The following IL1R1 variants were observed in gnomAD, a reference collection of about 807,000 sequenced individuals.
IL1R1 encodes interleukin 1 receptor type 1, also known as interleukin-1 receptor type 1.
A neutral mutation model predicts 50.2 loss-of-function variants in IL1R1; 22 were observed. That is an observed-to-expected ratio of 0.44 (90% confidence interval 0.31 to 0.63). The LOEUF (loss-of-function observed/expected upper bound fraction) is 0.63. Among genes scored for constraint, IL1R1 ranks in the 20% least tolerant of loss-of-function variants. The pLI is 0.07. For synonymous variants in IL1R1, 251 were observed against 236.7 expected (o/e 1.06, Z -0.55); for missense variants, 509 against 676.2 (o/e 0.75, Z 2.74).
At chr2:102,096,032 T>C (rs2104324531) in intron 1 of IL1R1, among the ~76,000 whole-genome samples, 1 of 152,276 alleles carries the variant, frequency 6.6e-6, no homozygotes, top group Non-Finnish European at 1.5e-5. Context: ...ATAAAAATAA[T>C]GCACTATTCT....
intron 1 of IL1R1, among the ~76,000 whole-genome samples, chr2:102,074,470 C>T (rs150533286): frequency 3.9e-3 from 522 of 134,144 alleles, no homozygotes; most frequent in Admixed American, 5.6e-3. Flanking sequence ...GTGGCCTATT[C>T]CTTACATGGT....
At chr2:102,132,077 T>C (rs1364467757) in intron 1 of IL1R1, among the ~76,000 whole-genome samples, 2 of 151,972 alleles carry the variant, frequency 1.3e-5, no homozygotes, top group Non-Finnish European at 2.9e-5. Flanking sequence ...CAACCAAGAA[T>C]TTTATACACA....
chr2:102,120,945 A>G lies in IL1R1; in HGVS notation c.-84+16073A>G, dbSNP rs552004563. On this transcript the variant is annotated intron_variant, in intron 1 of 10. Transcript: ENST00000409329. ...GGGTTTTTAGCAGAACATAGGTATT[A>G]TGATGTCTGTCACAGTTCACTCTAA... Among the ~76,000 whole-genome samples the G allele has an allele frequency of 2.3e-3, 343 of 152,308 alleles. 2 individuals are homozygous for G. The highest frequency in any genetic ancestry group is 6.5e-3 in the African/African-American group (269 of 41,574).
chr2:102,100,131 G>A (rs963399), upstream of IL1R1, among the ~76,000 whole-genome samples: 13,057 of 152,172 alleles, frequency 0.086, 696 homozygotes, highest in East Asian at 0.23. Flanking sequence ...GCACATCGTC[G>A]GGTTCTTTTG....
At chr2:102,139,226 G>T (rs574380259), upstream of IL1R1, among the ~76,000 whole-genome samples, 32 of 152,328 alleles carry the variant, frequency 2.1e-4, no homozygotes, top group Non-Finnish European at 3.2e-4. Context: ...GGGCTCTTTG[G>T]TCTTCTTAGC....
intron 8 of IL1R1, chr2:102,172,314 G>A (rs3771200): frequency 0.38 from 377,508 of 984,326 alleles, 74,869 homozygotes; most frequent in East Asian, 0.43. Context: ...TATGGGACAA[G>A]GATCTCCTGG....
At chr2:102,087,082 A>G (rs780679602) in intron 1 of IL1R1, among the ~76,000 whole-genome samples, 2 of 152,180 alleles carry the variant, frequency 1.3e-5, no homozygotes, top group Non-Finnish European at 1.5e-5. Context: ...TTATGTTTAC[A>G]CTATACTGTA....
At chr2:102,073,078 T>C (rs1678804692) in intron 1 of IL1R1, among the ~76,000 whole-genome samples, 1 of 152,184 alleles carries the variant, frequency 6.6e-6, no homozygotes, top group Non-Finnish European at 1.5e-5. Flanking sequence ...CATTATGTAC[T>C]GGGGGATCAA....
At chr2:102,117,212 T>C (rs572293524) in intron 1 of IL1R1, among the ~76,000 whole-genome samples, 1 of 152,316 alleles carries the variant, frequency 6.6e-6, no homozygotes, top group East Asian at 1.9e-4. Context: ...ATTTTTGGGT[T>C]GACCAAATAA....
At chr2:102,145,807 A>G (rs1470590232) in intron 1 of IL1R1, among the ~76,000 whole-genome samples, 1 of 152,232 alleles carries the variant, frequency 6.6e-6, no homozygotes, top group Non-Finnish European at 1.5e-5. Flanking sequence ...GATGCAGAGC[A>G]AACAAACTAG....
At chr2:102,085,965 T>C (rs1679413334) in intron 1 of IL1R1, among the ~76,000 whole-genome samples, 1 of 151,982 alleles carries the variant, frequency 6.6e-6, no homozygotes, top group Non-Finnish European at 1.5e-5. Flanking sequence ...GTGTCAGCAA[T>C]AGCTTTATTT....
rs748166757 is a variant in IL1R1 at position 102,176,742 on chromosome 2, C to T, written c.1693C>T (p.His565Tyr). 1 of 1,613,854 alleles carries T rather than the reference C, an allele frequency of 6.2e-7. No individual in the cohort carries two copies. Among genetic ancestry groups the T allele is most frequent in the Non-Finnish European group, 8.5e-7 (1 of 1,179,754 alleles). The change falls in exon 12 of 12, where the codon CAC becomes TAC. Residue 565 changes from histidine to tyrosine, a missense_variant. Physicochemically the swap from His to Tyr is moderately conservative, Grantham distance 83. Coordinates refer to ENST00000410023, the MANE Select transcript of IL1R1 (RefSeq NM_000877.4). ...TAAGGAGAAACTGCAAAGAGAGGCT[C>T]ACGTGCCTCTCGGGTAGCATGGAGA... ...ATKEKLQREA[H>Y]VPLG
intron 1 of IL1R1, among the ~76,000 whole-genome samples, chr2:102,077,539 C>T (rs910554725): frequency 8.5e-5 from 13 of 152,166 alleles, no homozygotes; most frequent in African/African-American, 3.1e-4. Context: ...AGCATCTTGG[C>T]CTTATAGAAT....
chr2:102,162,122 A>C (rs1684783187), intron 3 of IL1R1, among the ~76,000 whole-genome samples: 1 of 152,232 alleles, frequency 6.6e-6, no homozygotes, highest in South Asian at 2.1e-4. Flanking sequence ...TATAGTTGAC[A>C]AAATCGTGTA....
intron 1 of IL1R1, among the ~76,000 whole-genome samples, chr2:102,075,051 T>C (rs1460150357): frequency 6.6e-6 from 1 of 152,214 alleles, no homozygotes; most frequent in Non-Finnish European, 1.5e-5. Context: ...TTTTCTCTTG[T>C]TTTTTGAGTT....
rs181249552 is a variant in IL1R1, at chr2:102,130,725, G to A, written c.-83-23216G>A. 2.6e-5 allele frequency among the ~76,000 whole-genome samples: 4 copies of A among 151,794 alleles called. No individual in the cohort carries two copies. In the East Asian group the frequency reaches 7.8e-4, roughly 29 times the overall value. On this transcript the variant is annotated intron_variant, in intron 1 of 10. Coordinates refer to the IL1R1 transcript ENST00000409329. ...TTTAAAAAAGAATTTGCAGGGTGGG[G>A]GTGGGCATGTGTAAAGAATCTCAGG...
At chr2:102,105,964 G>C (rs1680388140) in intron 1 of IL1R1, among the ~76,000 whole-genome samples, 1 of 152,156 alleles carries the variant, frequency 6.6e-6, no homozygotes, top group Non-Finnish European at 1.5e-5. Flanking sequence ...TGATAGTGTT[G>C]TTGTGCATAA....
intron 3 of IL1R1, among the ~76,000 whole-genome samples, chr2:102,159,700 G>A (rs1012222252): frequency 6.6e-6 from 1 of 152,156 alleles, no homozygotes; most frequent in African/African-American, 2.4e-5. Flanking sequence ...CCCTATGAAT[G>A]TGACTTTGAG....
Position 102,176,948 on chromosome 2 carries a change from G to A in IL1R1, c.*189G>A. ...CAATAGCAGCCCAGGGCACTTCAGAGTAGAGGGCTTGGGAAGATCTTTTAA... is the reference window on the plus strand; with the variant it reads ...CAATAGCAGCCCAGGGCACTTCAGAATAGAGGGCTTGGGAAGATCTTTTAA... On this transcript the variant is annotated 3_prime_UTR_variant, in exon 12 of 12. Transcript: ENST00000410023. 6 of 600,836 alleles carry A rather than the reference G, an allele frequency of 1.0e-5. No individual in the cohort carries two copies. The highest frequency in any genetic ancestry group is 1.4e-5 in the Non-Finnish European group (5 of 344,968). 37.2% of individuals were successfully genotyped at this position (600,836 alleles called of 1,614,324 possible).
Sources: gnomAD v4.1 joint callset for allele counts (sites outside exome capture counted in the v4.1 genomes callset) on GRCh38, gnomAD v4.1.1 for gene constraint, MANE v1.5 for transcripts, NCBI Gene and HGNC (gene_info 2026-07-23, HGNC 2026-07-21) for gene names.